CAPN6: variants seen among roughly 807,000 people sequenced by gnomAD.
CAPN6 encodes calpain 6, also known as calpain-6.
Under a neutral mutation model 46.0 loss-of-function variants are expected in CAPN6, and 16 were observed. The ratio of observed to expected loss-of-function variants is 0.35; its 90% CI spans 0.24 to 0.53. The LOEUF (loss-of-function observed/expected upper bound fraction) is 0.53, where lower values mean the gene tolerates loss of function less well. Ranked by LOEUF, CAPN6 falls within the 20% of genes least tolerant of loss-of-function variation. The probability of loss-of-function intolerance (pLI) is 0.94; values close to 1 mark genes in which losing one functional copy is unlikely to be tolerated. For synonymous variants in CAPN6, 206 were observed against 172.8 expected (o/e 1.19, Z -1.51); for missense variants, 461 against 498.0 (o/e 0.93, Z 0.71).
intron 1 of CAPN6, among the ~76,000 whole-genome samples, chrX:111,268,219 G>GA (rs1416628783): frequency 1.8e-5 from 2 of 110,126 alleles, no homozygotes; most frequent in Non-Finnish European, 3.8e-5. Flanking sequence ...CCATTCAAAG[G>GA]AAAAAAAAGA....
Position 111,248,777 on chromosome X carries a change from A to G in CAPN6, c.1282-6T>C. 1 of 1,205,736 alleles carries G rather than the reference A, an allele frequency of 8.3e-7. No homozygotes were observed. The highest frequency in any genetic ancestry group is 1.1e-6 in the Non-Finnish European group (1 of 890,178). Reference sequence around the variant, plus strand: ...AATTTGCGGTTCATCTCCACCTGGAAATGAAATAGGGTAAAATATTCAATT... The same window carrying G: ...AATTTGCGGTTCATCTCCACCTGGAGATGAAATAGGGTAAAATATTCAATT... On this transcript the variant is annotated splice_polypyrimidine_tract_variant and splice_region_variant and intron_variant, in intron 9 of 12. Transcript: ENST00000324068.
chrX:111,247,379 T>C lies in CAPN6; in HGVS notation c.1732A>G (p.Ile578Val), dbSNP rs149239467. Residue 578 changes from isoleucine (I) to valine (V), a missense_variant, in exon 12 of 13, where the codon ATT becomes GTT. Ile to Val is a conservative substitution (Grantham distance 29, BLOSUM62 3). Coordinates refer to ENST00000324068, the MANE Select transcript of CAPN6 (RefSeq NM_014289.4). Reference protein sequence around the residue: ...IFYRRTTDIPIIVQVWNSRKF... With the variant: ...IFYRRTTDIPVIVQVWNSRKF... ...GTACACACTCTTACCTGTACTATAA[T>C]AGGAATGTCAGTGGTCCTTCTGTAG... 5.4e-5 allele frequency: 65 copies of C among 1,206,077 alleles called. No homozygotes were observed. Among genetic ancestry groups the C allele is most frequent in the Non-Finnish European group, 6.5e-5 (58 of 893,745 alleles).
rs779828518 is a variant in CAPN6, at chrX:111,245,637, G to T, written c.*940C>A. On this transcript the variant is annotated 3_prime_UTR_variant, in exon 13 of 13. Coordinates refer to ENST00000324068, the MANE Select transcript of CAPN6 (RefSeq NM_014289.4). ...CAGCAGCGAGAGGTTTCACATTGCA[G>T]TCAGGGGCCCCAAACTGGCTGTAAT... 284 of 112,688 alleles carry T rather than the reference G, an allele frequency of 2.5e-3. No homozygotes were observed. The highest frequency in any genetic ancestry group is 4.1e-3 in the Non-Finnish European group (217 of 53,290). The allele number at this position is 112,688 out of a possible 1,213,427, so 9.3% of individuals were successfully genotyped here. A position where few individuals can be genotyped will look rare whatever the true frequency, so the allele number is the denominator to read the frequency against.
At chrX:111,266,575 G>A (rs2094992156) in intron 1 of CAPN6, among the ~76,000 whole-genome samples, 1 of 112,788 alleles carries the variant, frequency 8.9e-6, no homozygotes, top group Non-Finnish European at 1.9e-5. Context: ...GCAATTTCTT[G>A]TTTGAAATGT....
At chrX:111,262,205 A>C (rs895493851) in intron 2 of CAPN6, among the ~76,000 whole-genome samples, 1 of 112,473 alleles carries the variant, frequency 8.9e-6, no homozygotes, top group Non-Finnish European at 1.9e-5. Flanking sequence ...AATGTCAATA[A>C]CTGCAGACAC....
intron 1 of CAPN6, among the ~76,000 whole-genome samples, chrX:111,264,671 T>C (rs191265916): frequency 4.6e-5 from 5 of 109,102 alleles, no homozygotes; most frequent in Non-Finnish European, 5.7e-5. Flanking sequence ...CTATAGATTG[T>C]TATCCCATGG....
chrX:111,254,295 C>T lies in CAPN6; in HGVS notation c.274G>A (p.Val92Ile). The change falls in exon 3 of 13, where the codon GTT becomes ATT. Residue 92 changes from valine to isoleucine, a missense_variant. Val to Ile is a conservative substitution (Grantham distance 29, BLOSUM62 3). Transcript: ENST00000324068. ...PMVSAFSCLA[V>I]QESHWTKTIP... ...ACCTTTGTCCAATGAGACTCCTGAA[C>T]AGCCAAACAGGAAAATGCAGAAACC... is the stretch of plus-strand genomic sequence containing the variant. The T allele has an allele frequency of 8.3e-7, 1 of 1,207,430 alleles. No individual in the cohort carries two copies. Among genetic ancestry groups the T allele is most frequent in the Non-Finnish European group, 1.1e-6 (1 of 892,121 alleles).
chrX:111,262,944 A>G (rs1379473658), intron 2 of CAPN6, among the ~76,000 whole-genome samples: 1 of 112,053 alleles, frequency 8.9e-6, no homozygotes, highest in Non-Finnish European at 1.9e-5. Flanking sequence ...AGCAGCAAAG[A>G]AGCCTTCTTG....
At chrX:111,248,894 T>A in intron 9 of CAPN6, 41 bp downstream of exon 9, 6 of 1,209,493 alleles carry the variant, frequency 5.0e-6, no homozygotes, top group Non-Finnish European at 6.7e-6. Flanking sequence ...ATTTTTACTC[T>A]GTTTGCCTTC....
Position 111,245,550 on chromosome X carries a change from T to G in CAPN6, c.*1027A>C, listed in dbSNP as rs1387780727. 8.9e-6 allele frequency: 1 copy of G among 111,847 alleles called. No homozygotes were observed. The highest frequency in any genetic ancestry group is 2.8e-4 in the East Asian group (1 of 3,543). The allele number at this position is 111,847 out of a possible 1,213,427, so 9.2% of individuals were successfully genotyped here. A position where few individuals can be genotyped will look rare whatever the true frequency, so the allele number is the denominator to read the frequency against. ...GGGACCAAAGTCTCAAGTCCCCAGA[T>G]GGGGTCTTCAGTACAAATGATATTA... On this transcript the variant is annotated 3_prime_UTR_variant, in exon 13 of 13. Transcript: ENST00000324068.
intron 1 of CAPN6, among the ~76,000 whole-genome samples, chrX:111,266,136 G>A (rs1215417286): frequency 2.8e-5 from 3 of 106,546 alleles, no homozygotes; most frequent in East Asian, 5.9e-4. Flanking sequence ...AAGTCCTCTC[G>A]GACTTGGAGA....
intron 2 of CAPN6, among the ~76,000 whole-genome samples, chrX:111,259,811 G>A (rs1164936566): frequency 1.8e-5 from 2 of 111,537 alleles, no homozygotes; most frequent in Admixed American, 9.6e-5. Flanking sequence ...ACTATTGTAG[G>A]TAGATATGAG....
intron 8 of CAPN6, among the ~76,000 whole-genome samples, chrX:111,249,333 T>C (rs962688372): frequency 8.9e-6 from 1 of 111,733 alleles, no homozygotes; most frequent in African/African-American, 3.3e-5. Flanking sequence ...TTCTAATAAG[T>C]TCTTGGTAAA....
At chrX:111,259,328 C>G (rs1481345714) in intron 2 of CAPN6, among the ~76,000 whole-genome samples, 1 of 112,677 alleles carries the variant, frequency 8.9e-6, no homozygotes, top group Non-Finnish European at 1.9e-5. Flanking sequence ...GGACTACTCA[C>G]ATGGGGTGAT....
chrX:111,248,034 A>G lies in CAPN6; in HGVS notation c.1485-42T>C, dbSNP rs769586434. On this transcript the variant is annotated intron_variant, in intron 10 of 12. Coordinates refer to ENST00000324068, the MANE Select transcript of CAPN6 (RefSeq NM_014289.4). ...AAAATATTGTCATCATATGATAAAT[A>G]TCCTTTGATGAAATAAGCCCGCCAA... 5 of 1,171,399 alleles carry G rather than the reference A, an allele frequency of 4.3e-6. No individual in the cohort carries two copies. In the East Asian group the frequency reaches 1.5e-4, roughly 35 times the overall value.
chrX:111,253,531 T>C (rs1237604011), intron 3 of CAPN6, among the ~76,000 whole-genome samples: 2 of 112,600 alleles, frequency 1.8e-5, no homozygotes, highest in African/African-American at 6.5e-5. Flanking sequence ...AAGCGGACTA[T>C]ATAAACATAT....
In CAPN6 at chrX:111,248,021, T is replaced by C. The variant is rs777418745; in HGVS notation, c.1485-29A>G. On this transcript the variant is annotated intron_variant, in intron 10 of 12. Coordinates refer to ENST00000324068, the MANE Select transcript of CAPN6 (RefSeq NM_014289.4). Reference sequence around the variant, plus strand: ...GAACATCAAAAATAAAATATTGTCATCATATGATAAATATCCTTTGATGAA... The same window carrying C: ...GAACATCAAAAATAAAATATTGTCACCATATGATAAATATCCTTTGATGAA... 9 of 1,186,191 alleles carry C rather than the reference T, an allele frequency of 7.6e-6. No homozygotes were observed. The East Asian group carries it at 1.8e-4, about 23-fold the overall frequency.
chrX:111,260,276 CG>C (rs1204079154), intron 2 of CAPN6, among the ~76,000 whole-genome samples: 1 of 38,946 alleles, frequency 2.6e-5, no homozygotes, highest in Admixed American at 3.2e-4. Context: ...GGCGGGGGGC[CG>C]GGGGGGCGCC....
intron 1 of CAPN6, among the ~76,000 whole-genome samples, chrX:111,267,304 G>C (rs2094992703): frequency 9.8e-6 from 1 of 101,860 alleles, no homozygotes; most frequent in Non-Finnish European, 1.9e-5. Context: ...GGGTGAGGCA[G>C]AGTGTGGTGG....
Sources: allele counts gnomAD v4.1 joint callset (sites outside exome capture counted in the v4.1 genomes callset), GRCh38; gene constraint gnomAD v4.1.1; transcripts MANE v1.5; gene names NCBI Gene and HGNC (gene_info 2026-07-23, HGNC 2026-07-21).